The following ZNF782 variants were observed in gnomAD, a reference collection of about 807,000 sequenced individuals.
The protein encoded by ZNF782 is zinc finger protein 782.
A neutral mutation model predicts 13.0 loss-of-function variants in ZNF782; 12 were observed. That is an observed-to-expected ratio of 0.92 (90% CI 0.59 to 1.50). The LOEUF (loss-of-function observed/expected upper bound fraction) is 1.50. ZNF782 is among the 40% of genes most tolerant of loss of function. The pLI, the probability that ZNF782 is intolerant of heterozygous loss-of-function variation, is 0.00. For synonymous variants in ZNF782, 284 were observed against 283.0 expected, an observed-to-expected ratio of 1.00 and a Z score of -0.04; for missense variants, 770 against 822.9, an observed-to-expected ratio of 0.94 and a Z score of 0.79.
At chr9:96,860,569 T>C (rs1031152296) in intron 2 of ZNF782, among the ~76,000 whole-genome samples, 3 of 152,142 alleles carry the variant, frequency 2.0e-5, no homozygotes, top group African/African-American at 4.8e-5. Flanking sequence ...TTCACAGAAA[T>C]AGAAATTTAA....
At chr9:96,881,731 T>A in the ZNF782 span, among the ~76,000 whole-genome samples, 1 of 152,128 alleles carries the variant, frequency 6.6e-6, no homozygotes, top group Non-Finnish European at 1.5e-5. Flanking sequence ...AGACCATAAA[T>A]GTTCATTTTC....
chr9:96,903,193 A>G, the ZNF782 span: 17 of 152,064 alleles, frequency 1.1e-4, no homozygotes, highest in African/African-American at 3.4e-4. Context: ...AAACTCCCTC[A>G]TGCTGCTCCC....
chr9:96,926,495 G>A, the ZNF782 span, among the ~76,000 whole-genome samples: 116 of 152,300 alleles, frequency 7.6e-4, no homozygotes, highest in African/African-American at 2.7e-3. Flanking sequence ...CATGTAAGGA[G>A]GCAGCTCTGT....
At chr9:96,885,458 A>C in the ZNF782 span, among the ~76,000 whole-genome samples, 1 of 152,198 alleles carries the variant, frequency 6.6e-6, no homozygotes, top group African/African-American at 2.4e-5. Flanking sequence ...AGCAGAAAAA[A>C]AGGTAAGAAA....
chr9:96,902,779 T>TTTATTATTATTATTATTATTA, the ZNF782 span: 20 of 138,802 alleles, frequency 1.4e-4, no homozygotes, highest in African/African-American at 4.8e-4. Flanking sequence ...GTTCTATCAG[T>TTTATTATTATTATTATTATTA]TTATTATTAT....
intron 4 of ZNF782, among the ~76,000 whole-genome samples, chr9:96,830,131 C>T (rs1048241534): frequency 1.3e-5 from 2 of 152,232 alleles, no homozygotes; most frequent in Admixed American, 1.3e-4. Flanking sequence ...GCCAGAGGTT[C>T]AGGAAAGAGG....
At position 96,819,274 on chromosome 9, in the gene ZNF782, T is replaced by C. The variant is rs1213437545; in HGVS notation, c.749A>G (p.Glu250Gly). The C allele has an allele frequency of 1.2e-6, 2 of 1,613,318 alleles. No individual in the cohort carries two copies. The highest frequency in any genetic ancestry group is 1.7e-6 in the Non-Finnish European group (2 of 1,179,810). Reference sequence around the variant, plus strand: ...AAAGGTTGATTTATCATATTTGTTTTCCCCAAATTTATTGAAATTGTAAGA... The same window carrying C: ...AAAGGTTGATTTATCATATTTGTTTCCCCCAAATTTATTGAAATTGTAAGA... ...GKSYNFNKFGENKYDKSTFII... is the reference protein window; with the variant it reads ...GKSYNFNKFGGNKYDKSTFII... Residue 250 changes from glutamate to glycine, a missense_variant, in exon 6 of 6, where the codon GAA (glutamate) becomes GGA (glycine). Physicochemically the swap from Glu to Gly is moderately conservative, Grantham distance 98 (BLOSUM62 -2). Transcript: ENST00000481138.
At chr9:96,864,743 G>A (rs529054043) in intron 1 of ZNF782, among the ~76,000 whole-genome samples, 1 of 151,976 alleles carries the variant, frequency 6.6e-6, no homozygotes, top group Admixed American at 6.6e-5. Context: ...TTAAACATTT[G>A]ACAAAGTGCT....
upstream of ZNF782, among the ~76,000 whole-genome samples, chr9:96,877,144 G>A (rs535503072): frequency 2.0e-5 from 3 of 151,998 alleles, no homozygotes; most frequent in South Asian, 2.1e-4. Flanking sequence ...TATACATATT[G>A]AGCATGTATC....
intron 4 of ZNF782, among the ~76,000 whole-genome samples, chr9:96,844,062 A>C (rs112621091): frequency 2.5e-4 from 38 of 152,310 alleles, no homozygotes; most frequent in Admixed American, 6.5e-4. Flanking sequence ...TTAAAACCCA[A>C]CTAGAACTGT....
chr9:96,886,044 C>T, the ZNF782 span, among the ~76,000 whole-genome samples: 1 of 151,994 alleles, frequency 6.6e-6, no homozygotes, highest in Non-Finnish European at 1.5e-5. Context: ...GACAGGGTCT[C>T]CCTATGTTGC....
In ZNF782 at chr9:96,818,140, C is replaced by T. The variant is rs139155806; in HGVS notation, c.1883G>A (p.Ser628Asn). 3 of 1,614,008 alleles carry T rather than the reference C, an allele frequency of 1.9e-6. No individual in the cohort carries two copies. The highest frequency in any genetic ancestry group is 2.2e-5 in the East Asian group (1 of 44,864). The change falls in exon 6 of 6, where the codon AGT becomes AAT. Residue 628 changes from serine (S) to asparagine (N), a missense_variant. Physicochemically the swap from Ser to Asn is conservative, Grantham distance 46. Transcript: ENST00000481138. ...YECNECGKAF[S>N]EKSVLRKHQR... Reference sequence around the variant, plus strand: ...ATGTTTTCTTAGGACTGACTTCTCACTGAAAGCTTTTCCACATTCATTACA... The same window carrying T: ...ATGTTTTCTTAGGACTGACTTCTCATTGAAAGCTTTTCCACATTCATTACA...
At chr9:96,886,291 C>T in the ZNF782 span, among the ~76,000 whole-genome samples, 4 of 149,866 alleles carry the variant, frequency 2.7e-5, no homozygotes, top group Admixed American at 2.0e-4. Flanking sequence ...GACACAATAG[C>T]TCACAAGTTG....
chr9:96,864,614 A>G (rs1016265693), intron 1 of ZNF782, among the ~76,000 whole-genome samples: 6 of 152,138 alleles, frequency 3.9e-5, no homozygotes, highest in Non-Finnish European at 7.4e-5. Context: ...AAATTTTAAA[A>G]CCAAGAAACC....
At chr9:96,882,281 CTTTAG>C in the ZNF782 span, among the ~76,000 whole-genome samples, 1 of 151,988 alleles carries the variant, frequency 6.6e-6, no homozygotes, top group Non-Finnish European at 1.5e-5. Context: ...ACAGAAGCAG[CTTTAG>C]TTATTTGGAG....
chr9:96,883,134 C>A, the ZNF782 span, among the ~76,000 whole-genome samples: 1 of 151,996 alleles, frequency 6.6e-6, no homozygotes, highest in African/African-American at 2.4e-5. Context: ...AGCTAGACAT[C>A]GAAACAAAAC....
chr9:96,870,564 C>G (rs1294392464), intron 1 of ZNF782, among the ~76,000 whole-genome samples: 2 of 152,236 alleles, frequency 1.3e-5, no homozygotes, highest in Admixed American at 6.5e-5. Flanking sequence ...CACTCTTACA[C>G]TCTTCTGTCC....
chr9:96,826,627 G>A (rs1850630066), intron 5 of ZNF782, among the ~76,000 whole-genome samples: 1 of 152,160 alleles, frequency 6.6e-6, no homozygotes, highest in African/African-American at 2.4e-5. Context: ...CTCTTAGAAA[G>A]GCTTTCTTGT....
At chr9:96,855,283 G>A (rs952274700), upstream of ZNF782, among the ~76,000 whole-genome samples, 1 of 152,142 alleles carries the variant, frequency 6.6e-6, no homozygotes, top group Non-Finnish European at 1.5e-5. Context: ...GGTTATTGGG[G>A]AACAGATGGT....
Sources: gnomAD v4.1 joint callset for allele counts (sites outside exome capture counted in the v4.1 genomes callset) on GRCh38, gnomAD v4.1.1 for gene constraint, MANE v1.5 for transcripts, NCBI Gene and HGNC (gene_info 2026-07-23, HGNC 2026-07-21) for gene names.